ADAM10: variants seen among roughly 807,000 people sequenced by gnomAD.
ADAM10 encodes disintegrin and metalloproteinase domain-containing protein 10.
In ADAM10, 17 loss-of-function variants were observed where a neutral mutation model predicts 90.1. The ratio of observed to expected loss-of-function variants is 0.19; its 90% CI spans 0.13 to 0.28. The LOEUF (loss-of-function observed/expected upper bound fraction) is 0.28, where lower values mean the gene tolerates loss of function less well. Ranked by LOEUF, ADAM10 falls within the 10% of genes least tolerant of loss-of-function variation. The pLI is 1.00. For synonymous variants in ADAM10, 310 were observed against 298.6 expected (o/e 1.04, Z -0.40); for missense variants, 610 against 914.3 (o/e 0.67, Z 4.29).
At chr15:58,673,565 A>C (rs1897246276) in intron 4 of ADAM10, among the ~76,000 whole-genome samples, 1 of 150,150 alleles carries the variant, frequency 6.7e-6, no homozygotes, top group African/African-American at 2.5e-5. Context: ...ATACATATAC[A>C]TACATATATA....
Position 58,597,656 on chromosome 15 carries a change from T to C in ADAM10, c.2153-15A>G, listed in dbSNP as rs377333673. The C allele has an allele frequency of 4.3e-6, 7 of 1,613,826 alleles. No individual in the cohort carries two copies. The highest frequency in any genetic ancestry group is 5.9e-6 in the Non-Finnish European group (7 of 1,179,938). On this transcript the variant is annotated splice_polypyrimidine_tract_variant and intron_variant, in intron 15 of 15. Transcript: ENST00000260408. Reference sequence around the variant, plus strand: ...CTTTAAAGTGCCTGTGAGCCACAAATAAAAGCAAAGCAGATTTATTTATCA... The same window carrying C: ...CTTTAAAGTGCCTGTGAGCCACAAACAAAAGCAAAGCAGATTTATTTATCA...
chr15:58,698,950 C>T (rs1200557182), intron 2 of ADAM10, among the ~76,000 whole-genome samples: 1 of 152,106 alleles, frequency 6.6e-6, no homozygotes, highest in African/African-American at 2.4e-5. Flanking sequence ...CCTCAGAGAC[C>T]TTCAAATAGA....
intron 5 of ADAM10, among the ~76,000 whole-genome samples, chr15:58,655,711 G>GTGTGTGTATATA (rs1212041296): frequency 1.9e-5 from 1 of 53,734 alleles, no homozygotes; most frequent in Admixed American, 2.8e-4. Context: ...TATATATATA[G>GTGTGTGTATATA]TATATATATA....
intron 11 of ADAM10, among the ~76,000 whole-genome samples, chr15:58,614,895 C>A (rs1895557718): frequency 6.6e-6 from 1 of 152,056 alleles, no homozygotes; most frequent in Non-Finnish European, 1.5e-5. Flanking sequence ...AAAGAAGAGT[C>A]AAATGTTACC....
At chr15:58,738,511 T>C (rs1445511342) in intron 1 of ADAM10, among the ~76,000 whole-genome samples, 8 of 152,230 alleles carry the variant, frequency 5.3e-5, no homozygotes, top group African/African-American at 1.7e-4. Flanking sequence ...CAGCTACACC[T>C]AACAGTTACA....
chr15:58,641,557 C>A (rs1223366985), intron 7 of ADAM10, among the ~76,000 whole-genome samples: 1 of 152,100 alleles, frequency 6.6e-6, no homozygotes, highest in Admixed American at 6.5e-5. Flanking sequence ...AAACTCACTT[C>A]TTTTACTCTT....
chr15:58,635,274 C>CAAAAAAA (rs58106236), intron 8 of ADAM10, among the ~76,000 whole-genome samples: 1 of 65,890 alleles, frequency 1.5e-5, no homozygotes, highest in African/African-American at 7.5e-5. Flanking sequence ...GACTCTGTCT[C>CAAAAAAA]AAAAAAAAAA....
rs1894812954 is a variant in ADAM10, at chr15:58,590,992, G to T, written c.*6555C>A. On this transcript the variant is annotated 3_prime_UTR_variant, in exon 16 of 16. Coordinates refer to ENST00000260408, the MANE Select transcript of ADAM10 (RefSeq NM_001110.4). ...GAACATGATCATTTAAACAAGAGAG[G>T]GCAGAAGAATCTAGTTTATTGTAGT... The T allele has an allele frequency of 6.6e-6, 1 of 152,076 alleles. No homozygotes were observed. Among genetic ancestry groups the T allele is most frequent in the African/African-American group, 2.4e-5 (1 of 41,400 alleles). The allele number at this position is 152,076 out of a possible 1,614,324, so 9.4% of individuals were successfully genotyped here.
In ADAM10 at chr15:58,729,518, G is replaced by C. The variant is rs142299861; in HGVS notation, c.56-11791C>G. Among the ~76,000 whole-genome samples the C allele has an allele frequency of 9.5e-3, 1,439 of 152,268 alleles. 21 individuals are homozygous for C. Among genetic ancestry groups the C allele is most frequent in the African/African-American group, 0.033 (1,362 of 41,548 alleles). Reference sequence around the variant, plus strand: ...ACCCCAGACTACCCCAGAGTGATCTGTATGCACATTCAAGTTTGAGAAGCA... The same window carrying C: ...ACCCCAGACTACCCCAGAGTGATCTCTATGCACATTCAAGTTTGAGAAGCA... On this transcript the variant is annotated intron_variant, in intron 1 of 15. Coordinates refer to ENST00000260408, the MANE Select transcript of ADAM10 (RefSeq NM_001110.4).
chr15:58,728,301 T>A (rs957550580), intron 1 of ADAM10, among the ~76,000 whole-genome samples: 1 of 152,200 alleles, frequency 6.6e-6, no homozygotes. Context: ...GGGAGCTTTT[T>A]GGATTGATAT....
At chr15:58,659,374 T>A (rs760793068) in intron 5 of ADAM10, among the ~76,000 whole-genome samples, 6 of 152,136 alleles carry the variant, frequency 3.9e-5, no homozygotes, top group Non-Finnish European at 8.8e-5. Flanking sequence ...TATAAAAAGC[T>A]CTTACTAGCC....
intron 1 of ADAM10, among the ~76,000 whole-genome samples, chr15:58,726,622 G>C (rs1483561348): frequency 1.1e-5 from 1 of 94,148 alleles, no homozygotes; most frequent in Non-Finnish European, 2.2e-5. Context: ...TGCAAGAAAA[G>C]AGGGGGACAA....
intron 2 of ADAM10, among the ~76,000 whole-genome samples, chr15:58,702,388 T>A (rs187363341): frequency 2.3e-4 from 35 of 152,284 alleles, no homozygotes; most frequent in Admixed American, 1.8e-3. Context: ...AAATGTTTGA[T>A]AGCAGAGTAG....
rs200246300 is a variant in ADAM10 at position 58,679,161 on chromosome 15, C to T, written c.447G>A (p.Leu149=). 7.4e-6 allele frequency: 12 copies of T among 1,613,800 alleles called. No individual in the cohort carries two copies. The Admixed American group carries it at 1.7e-4, about 22-fold the overall frequency. The change falls in exon 4 of 16, where the codon CTG becomes CTA. Residue 149 remains leucine (L), a synonymous_variant. Transcript: ENST00000260408. ...PAERYIKDRT[L]PFHSVIYHED... The stretch of plus-strand genomic sequence containing the variant: ...CATGATAAATGACAGAGTGAAATGG[C>T]AGAGTTCGGTCTTTAATATATCTCT...
intron 11 of ADAM10, among the ~76,000 whole-genome samples, chr15:58,616,009 A>AGGTGC (rs1895600744): frequency 6.6e-6 from 1 of 151,490 alleles, no homozygotes; most frequent in Non-Finnish European, 1.5e-5. Context: ...CCCTGTCTCC[A>AGGTGC]AAAAAAAACT....
In ADAM10 at chr15:58,599,686, C is replaced by G. The variant is rs781468198; in HGVS notation, c.2064G>C (p.Leu688=). 28 of 1,612,724 alleles carry G rather than the reference C, an allele frequency of 1.7e-5. No individual in the cohort carries two copies. The Admixed American group carries it at 4.7e-4, about 27-fold the overall frequency. The change falls in exon 15 of 16, where the codon CTG becomes CTC. Residue 688 remains leucine (L), a synonymous_variant. Transcript: ENST00000260408. ...WWAVLLMGIA[L]IMLMAGFIKI... ...TAATAAATCCAGCCATTAGCATGAT[C>G]AGAGCAATTCCCATAAGTAATACTG...
At chr15:58,631,874 T>G (rs1365878395) in intron 9 of ADAM10, among the ~76,000 whole-genome samples, 1 of 152,198 alleles carries the variant, frequency 6.6e-6, no homozygotes, top group Admixed American at 6.5e-5. Context: ...AAATACCTTA[T>G]CCAAGAACAT....
In ADAM10 at chr15:58,646,212, T is replaced by A. The variant is rs1896545101; in HGVS notation, c.586-8A>T. The A allele has an allele frequency of 6.2e-7, 1 of 1,610,912 alleles. No homozygotes were observed. ...ATGTTCTTCTTGAGGTATCTATACATCAAAAAGTCATTTCTGACAATTAGT... is the reference window on the plus strand; with the variant it reads ...ATGTTCTTCTTGAGGTATCTATACAACAAAAAGTCATTTCTGACAATTAGT... On this transcript the variant is annotated splice_region_variant and splice_polypyrimidine_tract_variant and intron_variant, in intron 5 of 15. Transcript: ENST00000260408.
intron 1 of ADAM10, among the ~76,000 whole-genome samples, chr15:58,726,521 C>T (rs1048323977): frequency 3.2e-4 from 42 of 132,194 alleles, no homozygotes; most frequent in African/African-American, 1.2e-3. Context: ...GCCGAGATCG[C>T]GCCACTACAC....
Sources: gnomAD v4.1 joint callset for allele counts (sites outside exome capture counted in the v4.1 genomes callset) on GRCh38, gnomAD v4.1.1 for gene constraint, MANE v1.5 for transcripts, NCBI Gene and HGNC (gene_info 2026-07-23, HGNC 2026-07-21) for gene names.